Variants in ZNF420 observed in about 807,000 individuals in gnomAD.
The protein encoded by ZNF420 is ATM and p53-associated KZNF protein.
A neutral mutation model predicts 44.7 loss-of-function variants in ZNF420; 31 were observed. That is an observed-to-expected ratio of 0.69 (90% CI 0.52 to 0.94). ZNF420 has a LOEUF of 0.94. ZNF420 is among the 40% of genes least tolerant of loss of function. ZNF420 has a pLI of 0.00. For synonymous variants in ZNF420, 245 were observed against 267.4 expected (o/e 0.92, Z 0.82); for missense variants, 681 against 827.9 (o/e 0.82, Z 2.18).
At chr19:37,040,330 T>C (rs970939713) in intron 1 of ZNF420, among the ~76,000 whole-genome samples, 12 of 152,196 alleles carry the variant, frequency 7.9e-5, no homozygotes, top group Admixed American at 7.2e-4. Context: ...TCGGCCTTCA[T>C]AAAATGGAAG....
chr19:37,009,519 A>C (rs1283785659), intron 1 of ZNF420, among the ~76,000 whole-genome samples: 1 of 152,156 alleles, frequency 6.6e-6, no homozygotes, highest in Non-Finnish European at 1.5e-5. Context: ...GGGGGACGCC[A>C]GTGCCACGTT....
intron 1 of ZNF420, among the ~76,000 whole-genome samples, chr19:37,010,989 C>CA (rs2074565072): frequency 6.6e-6 from 1 of 152,138 alleles, no homozygotes; most frequent in Non-Finnish European, 1.5e-5. Flanking sequence ...TGGGACATGG[C>CA]AAAAACCCCT....
intron 4 of ZNF420, among the ~76,000 whole-genome samples, chr19:37,116,901 G>A (rs1029106061): frequency 2.0e-5 from 3 of 152,192 alleles, no homozygotes; most frequent in African/African-American, 7.2e-5. Flanking sequence ...CAGCGAGGCT[G>A]GGGGAGGGGT....
In ZNF420 at chr19:37,021,320, T is replaced by C. The variant is rs959130159; in HGVS notation, c.-125+13238T>C. ...TTCACTCTTGTTGCCCAGGCTGGAG[T>C]GCAATGGTGCTATCTCTGCTCACCG... On this transcript the variant is annotated intron_variant, in intron 1 of 4. Coordinates refer to the ZNF420 transcript ENST00000587029. 4.6e-5 allele frequency among the ~76,000 whole-genome samples: 7 copies of C among 152,038 alleles called. No individual in the cohort carries two copies. The East Asian group carries it at 1.2e-3, about 25-fold the overall frequency.
At chr19:37,011,829 T>G (rs935677366) in intron 1 of ZNF420, among the ~76,000 whole-genome samples, 2 of 152,142 alleles carry the variant, frequency 1.3e-5, no homozygotes, top group African/African-American at 4.8e-5. Flanking sequence ...TGGCTCCACC[T>G]TGGACTCGCC....
At chr19:37,060,599 C>T (rs542632623) in intron 1 of ZNF420, among the ~76,000 whole-genome samples, 62 of 145,994 alleles carry the variant, frequency 4.2e-4, no homozygotes, top group African/African-American at 1.5e-3. Context: ...TTTCTCTCTC[C>T]AAACCTGTTT....
rs146423096 is a variant in ZNF420 at position 37,078,696 on chromosome 19, A to T, written c.-125+126A>T. ...GCCTGGTATTGGCGACTGCCTGTGC[A>T]TACACGACTGGACGTGTGTGGCTGT... On this transcript the variant is annotated intron_variant, in intron 1 of 4. Coordinates refer to ENST00000337995, the MANE Select transcript of ZNF420 (RefSeq NM_144689.5). The T allele has an allele frequency of 1.4e-3, 221 of 152,604 alleles. 1 individual carries two copies. The highest frequency in any genetic ancestry group is 2.3e-3 in the Non-Finnish European group (160 of 68,152). The allele number at this position is 152,604 out of a possible 1,614,324, so 9.5% of individuals were successfully genotyped here. A position where few individuals can be genotyped will look rare whatever the true frequency, so the allele number is the denominator to read the frequency against.
chr19:37,070,585 T>C (rs1002790411), intron 1 of ZNF420, among the ~76,000 whole-genome samples: 2 of 152,012 alleles, frequency 1.3e-5, no homozygotes, highest in Admixed American at 6.6e-5. Flanking sequence ...CCCAAAGAAA[T>C]TGAGCAAAGG....
chr19:37,127,140 G>T lies in ZNF420; in HGVS notation c.149G>T (p.Arg50Met). The T allele has an allele frequency of 6.8e-7, 1 of 1,478,676 alleles. No homozygotes were observed. Among genetic ancestry groups the T allele is most frequent in the South Asian group, 1.5e-5 (1 of 65,450 alleles). 91.6% of individuals were successfully genotyped at this position (1,478,676 alleles called of 1,614,324 possible). The stretch of plus-strand genomic sequence containing the variant: ...TCTTATCTTTCAGACTTGCCTTCAA[G>T]GTGTGCAAGTAAGGACTTATCTCCA... ...SNLVSLDLPSRCASKDLSPEK... is the reference protein window; with the variant it reads ...SNLVSLDLPSMCASKDLSPEK... The change falls in exon 5 of 5, where the codon AGG (arginine) becomes ATG (methionine). Residue 50 changes from arginine to methionine, a missense_variant. Arg to Met is a moderately conservative substitution (Grantham distance 91). Coordinates refer to ENST00000337995, the MANE Select transcript of ZNF420 (RefSeq NM_144689.5).
chr19:37,088,690 G>A (rs897813266), intron 2 of ZNF420, among the ~76,000 whole-genome samples: 1 of 152,020 alleles, frequency 6.6e-6, no homozygotes, highest in Admixed American at 6.6e-5. Flanking sequence ...ATAAGTAATT[G>A]TAGGCATAAG....
At chr19:37,041,792 T>C (rs1967457261) in intron 1 of ZNF420, among the ~76,000 whole-genome samples, 1 of 152,158 alleles carries the variant, frequency 6.6e-6, no homozygotes, top group African/African-American at 2.4e-5. Flanking sequence ...ATATAAAAAA[T>C]ACTCTTTAGA....
intron 1 of ZNF420, among the ~76,000 whole-genome samples, chr19:37,061,489 A>G (rs1328123241): frequency 6.6e-6 from 1 of 152,210 alleles, no homozygotes; most frequent in African/African-American, 2.4e-5. Context: ...CACTGATGCT[A>G]TGCGGAACAG....
chr19:37,030,205 A>G lies in ZNF420; in HGVS notation c.-125+22123A>G, dbSNP rs1021091452. ...GAGAGGGAGTCTCGCTCTGTCGCCC[A>G]GGCTGGAATGCAGTGGCGTGATCTC... On this transcript the variant is annotated intron_variant, in intron 1 of 4. Coordinates refer to the ZNF420 transcript ENST00000587029. Among the ~76,000 whole-genome samples the G allele has an allele frequency of 8.0e-4, 121 of 152,114 alleles. 2 individuals carry two copies. The highest frequency in any genetic ancestry group is 7.9e-3 in the Admixed American group (121 of 15,264).
intron 1 of ZNF420, among the ~76,000 whole-genome samples, chr19:37,011,341 T>G (rs1234202185): frequency 6.6e-6 from 1 of 152,322 alleles, no homozygotes; most frequent in South Asian, 2.1e-4. Context: ...ATGGGATGGC[T>G]GCGTGGCTGG....
At chr19:37,037,441 C>A (rs1167160003) in intron 1 of ZNF420, among the ~76,000 whole-genome samples, 1 of 152,236 alleles carries the variant, frequency 6.6e-6, no homozygotes, top group Non-Finnish European at 1.5e-5. Context: ...CATGGAAGCG[C>A]AGGCTTCCCC....
upstream of ZNF420, chr19:37,075,258 G>C (rs1189142843): frequency 6.6e-6 from 1 of 152,098 alleles, no homozygotes; most frequent in Non-Finnish European, 1.5e-5. Context: ...GACACCTCAG[G>C]CCTATGAAAA....
chr19:37,128,657 G>A lies in ZNF420; in HGVS notation c.1666G>A (p.Glu556Lys). 6.2e-7 allele frequency: 1 copy of A among 1,614,138 alleles called. No homozygotes were observed. The highest frequency in any genetic ancestry group is 1.3e-5 in the African/African-American group (1 of 75,052). Reference sequence around the variant, plus strand: ...ACAACATCAGAGAATTCATACTGGTGAGAAACCATATCAATGTAAGGAATG... The same window carrying A: ...ACAACATCAGAGAATTCATACTGGTAAGAAACCATATCAATGTAAGGAATG... ...LIQHQRIHTGEKPYQCKECGK... is the reference protein window; with the variant it reads ...LIQHQRIHTGKKPYQCKECGK... Residue 556 changes from glutamate (E) to lysine (K), a missense_variant, in exon 5 of 5, where the codon GAG (glutamate) becomes AAG (lysine). Transcript: ENST00000337995.
At chr19:37,060,245 A>C (rs1389038952) in intron 1 of ZNF420, among the ~76,000 whole-genome samples, 1 of 152,310 alleles carries the variant, frequency 6.6e-6, no homozygotes, top group African/African-American at 2.4e-5. Flanking sequence ...ACCGACCTCA[A>C]AGGAGATGGT....
chr19:37,037,849 T>C (rs1311368886), intron 1 of ZNF420, among the ~76,000 whole-genome samples: 1 of 152,244 alleles, frequency 6.6e-6, no homozygotes. Flanking sequence ...TGACTAGCTC[T>C]ATTGCGATAT....
Sources: gnomAD v4.1 joint callset for allele counts (sites outside exome capture counted in the v4.1 genomes callset) on GRCh38, gnomAD v4.1.1 for gene constraint, MANE v1.5 for transcripts, NCBI Gene and HGNC (gene_info 2026-07-23, HGNC 2026-07-21) for gene names.